Variants in CSMD1 observed in about 807,000 individuals in gnomAD.
The protein encoded by CSMD1 is CUB and sushi domain-containing protein 1.
CSMD1 carries 213 observed loss-of-function variants against 417.5 expected under a neutral mutation model. The observed-to-expected ratio is 0.51, with a 90% CI of 0.46 to 0.57. The LOEUF (loss-of-function observed/expected upper bound fraction) is 0.57, where lower values mean the gene tolerates loss of function less well. Among genes scored for constraint, CSMD1 ranks in the 20% least tolerant of loss-of-function variants. CSMD1 has a pLI of 0.00. For synonymous variants in CSMD1, 2,862 were observed against 1,736.8 expected, an observed-to-expected ratio of 1.65 and a Z score of -16.11; for missense variants, 6,923 against 4,529.7, an observed-to-expected ratio of 1.53 and a Z score of -15.17.
chr8:4,250,006 G>A (rs1377230223), intron 3 of CSMD1, among the ~76,000 whole-genome samples: 1 of 152,074 alleles, frequency 6.6e-6, no homozygotes, highest in African/African-American at 2.4e-5. Context: ...AAGTGTTTAG[G>A]TCATAAGGGC....
intron 51 of CSMD1, among the ~76,000 whole-genome samples, chr8:3,022,484 T>A (rs1809523345): frequency 6.6e-6 from 1 of 152,234 alleles, no homozygotes; most frequent in African/African-American, 2.4e-5. Context: ...CACAGGAAAG[T>A]CTCTTTTTTG....
intron 6 of CSMD1, among the ~76,000 whole-genome samples, chr8:3,745,312 G>A (rs539142853): frequency 6.6e-6 from 1 of 152,272 alleles, no homozygotes; most frequent in Non-Finnish European, 1.5e-5. Flanking sequence ...GGTCAGCTCT[G>A]CAAGAACCTG....
chr8:3,658,080 T>G (rs17063129), intron 7 of CSMD1, among the ~76,000 whole-genome samples: 1,865 of 152,296 alleles, frequency 0.012, 50 homozygotes, highest in African/African-American at 0.043. Context: ...CATTCAGCAC[T>G]GATTATCACA....
intron 2 of CSMD1, among the ~76,000 whole-genome samples, chr8:4,448,051 A>G (rs1271405381): frequency 6.6e-6 from 1 of 152,292 alleles, no homozygotes; most frequent in South Asian, 2.1e-4. Context: ...GTTTCCTGGA[A>G]TATCACCCCT....
At chr8:4,284,903 T>A (rs1021634399) in intron 3 of CSMD1, among the ~76,000 whole-genome samples, 2 of 152,184 alleles carry the variant, frequency 1.3e-5, no homozygotes, top group African/African-American at 4.8e-5. Flanking sequence ...CCTCCTTTCC[T>A]GAATTCAGTT....
At chr8:4,176,232 T>C (rs965183351) in intron 3 of CSMD1, among the ~76,000 whole-genome samples, 3 of 152,084 alleles carry the variant, frequency 2.0e-5, no homozygotes, top group Non-Finnish European at 2.9e-5. Flanking sequence ...ATATAGCTTA[T>C]GTACGTTCTT....
chr8:4,119,912 G>C (rs778182363), intron 3 of CSMD1, among the ~76,000 whole-genome samples: 44 of 151,694 alleles, frequency 2.9e-4, no homozygotes, highest in Admixed American at 2.9e-3. Context: ...GGTAAGGGTA[G>C]TGGGAGGGTG....
chr8:3,087,022 A>G lies in CSMD1; in HGVS notation c.7474+75T>C, dbSNP rs1179787555. The stretch of plus-strand genomic sequence containing the variant: ...ACCTTTTATTCTTAGTTAGTGCTTC[A>G]TTTATTTTCAGAGAGTGATTAAAAT... On this transcript the variant is annotated intron_variant, in intron 49 of 69. Transcript: ENST00000635120. The G allele has an allele frequency of 3.8e-6, 5 of 1,306,658 alleles. No individual in the cohort carries two copies. The Admixed American group carries it at 7.5e-5, about 20-fold the overall frequency. The allele number at this position is 1,306,658 out of a possible 1,614,324, so 80.9% of individuals were successfully genotyped here.
At chr8:4,787,225 G>A (rs1563382650) in intron 1 of CSMD1, 4 of 492,646 alleles carry the variant, frequency 8.1e-6, no homozygotes, top group African/African-American at 2.0e-5. Flanking sequence ...GGCGCGCCTG[G>A]GGGCCGCGCC....
chr8:4,063,569 A>T (rs1027795211), intron 3 of CSMD1, among the ~76,000 whole-genome samples: 1 of 152,170 alleles, frequency 6.6e-6, no homozygotes, highest in South Asian at 2.1e-4. Flanking sequence ...CCATTAATTT[A>T]AGCAATATTC....
At chr8:4,983,455 C>G (rs1563930213) in intron 1 of CSMD1, among the ~76,000 whole-genome samples, 1 of 152,184 alleles carries the variant, frequency 6.6e-6, no homozygotes, top group African/African-American at 2.4e-5. Context: ...CTTCAGTTCT[C>G]CAGGACTTTA....
rs1797476832 is a variant in CSMD1 at position 4,787,629 on chromosome 8, GTTC to G, written c.86-150074_86-150072del. On this transcript the variant is annotated intron_variant, in intron 1 of 69. Transcript: ENST00000635120. Reference sequence around the variant, plus strand: ...TGGGTTTGCAGAAGAATAGCAACTGGTTCTTTTCTCAAAAGAAATCCTGGTGTC... The same window carrying G: ...TGGGTTTGCAGAAGAATAGCAACTGGTTTTCTCAAAAGAAATCCTGGTGTC... 6 of 1,578,818 alleles carry G rather than the reference GTTC, an allele frequency of 3.8e-6. No individual in the cohort carries two copies. The East Asian group carries it at 1.3e-4, about 35-fold the overall frequency.
intron 2 of CSMD1, among the ~76,000 whole-genome samples, chr8:4,608,679 C>T (rs907420096): frequency 1.3e-5 from 2 of 152,148 alleles, no homozygotes; most frequent in Admixed American, 1.3e-4. Context: ...CTAAAGTCCT[C>T]TTTGTGGGAT....
At chr8:4,390,707 G>T (rs564419641) in intron 3 of CSMD1, among the ~76,000 whole-genome samples, 4 of 151,708 alleles carry the variant, frequency 2.6e-5, no homozygotes, top group South Asian at 2.1e-4. Context: ...TAGAGACGGG[G>T]TTTCACCATG....
intron 2 of CSMD1, among the ~76,000 whole-genome samples, chr8:4,565,293 T>C (rs1275946180): frequency 6.6e-6 from 1 of 152,220 alleles, no homozygotes; most frequent in African/African-American, 2.4e-5. Context: ...AGTGTAACTG[T>C]AAATTTCTAA....
chr8:4,764,776 G>A (rs530191766), intron 1 of CSMD1, among the ~76,000 whole-genome samples: 1 of 150,082 alleles, frequency 6.7e-6, no homozygotes, highest in African/African-American at 2.4e-5. Flanking sequence ...TGGAGGCTGC[G>A]GCAGGAGAAT....
intron 50 of CSMD1, among the ~76,000 whole-genome samples, chr8:3,047,063 C>T (rs991085142): frequency 4.8e-4 from 73 of 151,900 alleles, no homozygotes; most frequent in Non-Finnish European, 8.8e-4. Context: ...CAAAAATTAG[C>T]TGGGTGTGGT....
intron 33 of CSMD1, among the ~76,000 whole-genome samples, chr8:3,194,215 C>T (rs1481867635): frequency 6.6e-6 from 1 of 151,922 alleles, no homozygotes; most frequent in African/African-American, 2.4e-5. Context: ...TGTGGAAAAC[C>T]AACTAAGCCA....
At chr8:4,500,064 A>G (rs138472247) in intron 2 of CSMD1, among the ~76,000 whole-genome samples, 11 of 121,960 alleles carry the variant, frequency 9.0e-5, no homozygotes, top group African/African-American at 3.4e-4. Flanking sequence ...GGGAGAATAC[A>G]ATGTGTCTGA....
Sources: gnomAD v4.1 joint callset for allele counts (sites outside exome capture counted in the v4.1 genomes callset) on GRCh38, gnomAD v4.1.1 for gene constraint, MANE v1.5 for transcripts, NCBI Gene and HGNC (gene_info 2026-07-23, HGNC 2026-07-21) for gene names.